Variants in SCUBE1 observed in about 807,000 individuals in gnomAD.
SCUBE1 encodes signal peptide, CUB domain and EGF like domain containing 1.
SCUBE1 carries 59 observed loss-of-function variants against 124.4 expected under a neutral mutation model. The ratio of observed to expected loss-of-function variants is 0.47; its 90% CI spans 0.38 to 0.59. SCUBE1 has a LOEUF of 0.59. Ranked by LOEUF, SCUBE1 falls within the 20% of genes least tolerant of loss-of-function variation. The pLI, the probability that SCUBE1 is intolerant of heterozygous loss-of-function variation, is 0.00. For missense variants in SCUBE1, 1,150 were observed against 1,371.2 expected (o/e 0.84, Z 2.55); for synonymous variants, 545 against 550.9 (o/e 0.99, Z 0.15).
At chr22:43,315,257 G>A (rs145182826) in intron 3 of SCUBE1, among the ~76,000 whole-genome samples, 11 of 152,056 alleles carry the variant, frequency 7.2e-5, no homozygotes, top group Admixed American at 2.0e-4. Context: ...CCGACCCTCC[G>A]AGACAAGTAT....
At position 43,221,290 on chromosome 22, in the gene SCUBE1, C is replaced by G; in HGVS notation, c.1433-1G>C. On this transcript the variant is annotated splice_acceptor_variant, in intron 12 of 21. Coordinates refer to ENST00000360835, the MANE Select transcript of SCUBE1 (RefSeq NM_173050.5). LOFTEE classifies it high-confidence loss of function. ...TGTTTGATGGGGGTGGTGGGGGCAT[C>G]TGGGGAAAGCCAAAATTCCCCCAGG... 1 of 1,603,624 alleles carries G rather than the reference C, an allele frequency of 6.2e-7. No individual in the cohort carries two copies. Among genetic ancestry groups the G allele is most frequent in the Non-Finnish European group, 8.5e-7 (1 of 1,177,186 alleles).
At chr22:43,256,560 G>A (rs1490358670) in intron 6 of SCUBE1, among the ~76,000 whole-genome samples, 4 of 152,194 alleles carry the variant, frequency 2.6e-5, no homozygotes, top group African/African-American at 9.7e-5. Context: ...TGGGGCTGGG[G>A]AAGTTAATTT....
chr22:43,327,348 C>G (rs1926759965), intron 2 of SCUBE1, among the ~76,000 whole-genome samples: 1 of 152,288 alleles, frequency 6.6e-6, no homozygotes, highest in African/African-American at 2.4e-5. Flanking sequence ...GTCGATGGTT[C>G]TATTTACATC....
chr22:43,332,158 C>T (rs542192039), intron 2 of SCUBE1, among the ~76,000 whole-genome samples: 20 of 152,056 alleles, frequency 1.3e-4, no homozygotes, highest in South Asian at 6.3e-4. Context: ...CATGGTGGTG[C>T]GCACCTGTAG....
chr22:43,315,860 G>C (rs1926328626), intron 3 of SCUBE1, among the ~76,000 whole-genome samples: 1 of 152,220 alleles, frequency 6.6e-6, no homozygotes, highest in Non-Finnish European at 1.5e-5. Flanking sequence ...CTCACTGCTA[G>C]TCTGCAGGCT....
intron 6 of SCUBE1, among the ~76,000 whole-genome samples, chr22:43,241,386 G>C (rs910216379): frequency 1.3e-5 from 2 of 152,088 alleles, no homozygotes; most frequent in Non-Finnish European, 2.9e-5. Flanking sequence ...CTTCCCTGAA[G>C]AGGATCCGGT....
Position 43,329,254 on chromosome 22 carries a change from G to A in SCUBE1, c.221-9189C>T, listed in dbSNP as rs377222959. 1.2e-3 allele frequency among the ~76,000 whole-genome samples: 181 copies of A among 152,366 alleles called. 1 individual carries two copies. The highest frequency in any genetic ancestry group is 1.7e-3 in the Non-Finnish European group (114 of 68,028). On this transcript the variant is annotated intron_variant, in intron 2 of 21. Coordinates refer to ENST00000360835, the MANE Select transcript of SCUBE1 (RefSeq NM_173050.5). Reference sequence around the variant, plus strand: ...AGACTGGCCAGGACCAGGTCTGCCCGCAGGGCTGGCAGTGGGAAGGGACAG... The same window carrying A: ...AGACTGGCCAGGACCAGGTCTGCCCACAGGGCTGGCAGTGGGAAGGGACAG...
chr22:43,203,272 C>T lies in SCUBE1; in HGVS notation c.*725G>A, dbSNP rs1569493108. On this transcript the variant is annotated 3_prime_UTR_variant, in exon 22 of 22. Transcript: ENST00000360835. ...TCAGGGAGGCTGATAGCTGCTGGGA[C>T]TCACTGGGCTCATGCGGGAAGGGAT... 1 of 151,902 alleles carries T rather than the reference C, an allele frequency of 6.6e-6. No homozygotes were observed. Among genetic ancestry groups the T allele is most frequent in the Non-Finnish European group, 1.5e-5 (1 of 68,010 alleles). The allele number at this position is 151,902 out of a possible 1,614,324, so 9.4% of individuals were successfully genotyped here.
chr22:43,214,463 G>T (rs1921721149), intron 15 of SCUBE1, among the ~76,000 whole-genome samples: 1 of 152,194 alleles, frequency 6.6e-6, no homozygotes. Flanking sequence ...GGCCCCTCTG[G>T]CTGCTGCACC....
chr22:43,243,039 C>T (rs560715580), intron 6 of SCUBE1, among the ~76,000 whole-genome samples: 1 of 152,362 alleles, frequency 6.6e-6, no homozygotes, highest in African/African-American at 2.4e-5. Flanking sequence ...AATTTCAAGA[C>T]AGAGACAGAA....
intron 15 of SCUBE1, among the ~76,000 whole-genome samples, chr22:43,216,373 G>C (rs980339976): frequency 2.6e-5 from 4 of 151,024 alleles, no homozygotes; most frequent in African/African-American, 9.7e-5. Context: ...AAGTAGAAGA[G>C]GCTGGGCGCA....
rs1922681916 is a variant in SCUBE1, at chr22:43,234,544, C to T, written c.845-2669G>A. 6.6e-6 allele frequency among the ~76,000 whole-genome samples: 1 copy of T among 152,146 alleles called. No individual in the cohort carries two copies. ...AGAGGGAGGCATGTCTGCCTGAGGC[C>T]CGGGCTGGTGTAGCTGGCTGCCTGG... is the stretch of plus-strand genomic sequence containing the variant. On this transcript the variant is annotated intron_variant, in intron 7 of 21. Coordinates refer to ENST00000360835, the MANE Select transcript of SCUBE1 (RefSeq NM_173050.5). This position sits in a 1 kb window ranked among gnomAD's most constrained non-coding sequence, Gnocchi z 4.4.
At chr22:43,231,712 C>T (rs750104737) in intron 8 of SCUBE1, 41 bp downstream of exon 8, 27 of 1,540,064 alleles carry the variant, frequency 1.8e-5, no homozygotes, top group East Asian at 4.9e-5. Context: ...GGCACGATCC[C>T]GCTGGGCCCG....
At chr22:43,212,779 G>A (rs967256163) in intron 16 of SCUBE1, 187 bp from the exon 17 acceptor site, 27 of 613,954 alleles carry the variant, frequency 4.4e-5, no homozygotes, top group African/African-American at 3.2e-4. Context: ...GCCCTGGTCC[G>A]GATGATGCCA....
chr22:43,202,316 C>G lies in SCUBE1; in HGVS notation c.*1681G>C, dbSNP rs1203976982. The stretch of plus-strand genomic sequence containing the variant: ...CAAACCGTGTTTGTTTCTCGCCAGC[C>G]AGGCTGGGCCCGGGGGTGACCAGGA... On this transcript the variant is annotated 3_prime_UTR_variant, in exon 22 of 22. Coordinates refer to ENST00000360835, the MANE Select transcript of SCUBE1 (RefSeq NM_173050.5). 1 of 152,242 alleles carries G rather than the reference C, an allele frequency of 6.6e-6. No individual in the cohort carries two copies. The highest frequency in any genetic ancestry group is 1.5e-5 in the Non-Finnish European group (1 of 68,052). 9.4% of individuals were successfully genotyped at this position (152,242 alleles called of 1,614,324 possible).
intron 10 of SCUBE1, among the ~76,000 whole-genome samples, chr22:43,224,044 GCT>G (rs1482130204): frequency 1.3e-5 from 2 of 152,224 alleles, no homozygotes; most frequent in African/African-American, 4.8e-5. Flanking sequence ...GACCAACACA[GCT>G]CCCCCTTACT....
chr22:43,312,948 T>C (rs1471010431), intron 3 of SCUBE1, among the ~76,000 whole-genome samples: 1 of 152,172 alleles, frequency 6.6e-6, no homozygotes, highest in African/African-American at 2.4e-5. Flanking sequence ...CAGGCTGAAA[T>C]TGGCAAAATC....
chr22:43,282,435 C>G (rs565016106), intron 4 of SCUBE1: 1 of 152,384 alleles, frequency 6.6e-6, no homozygotes, highest in South Asian at 2.1e-4. Context: ...TCCCTGTCTC[C>G]AGAGTCCTAC....
intron 1 of SCUBE1, among the ~76,000 whole-genome samples, chr22:43,342,847 G>T (rs944229460): frequency 7.4e-4 from 111 of 149,850 alleles, no homozygotes; most frequent in African/African-American, 2.6e-3. Context: ...GCCCCTCTGC[G>T]CTCGGGGTCC....
Sources: allele counts gnomAD v4.1 joint callset (sites outside exome capture counted in the v4.1 genomes callset), GRCh38; gene constraint gnomAD v4.1.1; non-coding constraint Gnocchi (gnomAD v3.1); transcripts MANE v1.5; gene names NCBI Gene and HGNC (gene_info 2026-07-23, HGNC 2026-07-21).